The following AFAP1 variants were observed in gnomAD, a reference collection of about 807,000 sequenced individuals.
The protein encoded by AFAP1 is actin filament-associated protein 1.
In AFAP1, 75 loss-of-function variants were observed where a neutral mutation model predicts 93.9. The observed-to-expected ratio is 0.80, with a 90% confidence interval of 0.66 to 0.97. The LOEUF (loss-of-function observed/expected upper bound fraction) is 0.97. AFAP1 is among the 50% of genes least tolerant of loss of function. The pLI is 0.00. For missense variants in AFAP1, 1,201 were observed against 1,050.8 expected, an observed-to-expected ratio of 1.14 and a Z score of -1.98; for synonymous variants, 517 against 430.7, an observed-to-expected ratio of 1.20 and a Z score of -2.48.
intron 1 of AFAP1, among the ~76,000 whole-genome samples, chr4:7,885,927 G>A (rs1317640083): frequency 6.6e-6 from 1 of 152,192 alleles, no homozygotes; most frequent in Middle Eastern, 3.2e-3. Context: ...TGAAGCAAAG[G>A]AGCTGTGTTC....
intron 9 of AFAP1, among the ~76,000 whole-genome samples, chr4:7,801,101 G>C (rs1377988771): frequency 1.3e-5 from 2 of 151,900 alleles, no homozygotes; most frequent in Non-Finnish European, 2.9e-5. Flanking sequence ...GGCAGATTTT[G>C]GCTTAACATG....
chr4:7,819,123 A>T lies in AFAP1; in HGVS notation c.775T>A (p.Cys259Ser), dbSNP rs562417220. 1 of 1,613,776 alleles carries T rather than the reference A, an allele frequency of 6.2e-7. No individual in the cohort carries two copies. The highest frequency in any genetic ancestry group is 1.3e-5 in the African/African-American group (1 of 75,000). The change falls in exon 7 of 18, where the codon TGT (cysteine) becomes AGT (serine). Residue 259 changes from cysteine (C) to serine (S), a missense_variant. Physicochemically the swap from Cys to Ser is moderately radical, Grantham distance 112. Transcript: ENST00000420658. ...SGCSGPVDSECPPPPSSPVHK... is the reference protein window; with the variant it reads ...SGCSGPVDSESPPPPSSPVHK... ...ACCGGGGAGCTTGGTGGAGGAGGACACTCTGAATCCACGGGGCCACTACAA... is the reference window on the plus strand; with the variant it reads ...ACCGGGGAGCTTGGTGGAGGAGGACTCTCTGAATCCACGGGGCCACTACAA...
chr4:7,919,225 C>A (rs563905341), intron 1 of AFAP1, among the ~76,000 whole-genome samples: 1 of 152,204 alleles, frequency 6.6e-6, no homozygotes. Context: ...ACGGCGGCAA[C>A]AACATCAACA....
chr4:7,868,651 G>A lies in AFAP1; in HGVS notation c.196C>T (p.Pro66Ser). 1 of 1,612,876 alleles carries A rather than the reference G, an allele frequency of 6.2e-7. No individual in the cohort carries two copies. The change falls in exon 3 of 18, where the codon CCC (proline) becomes TCC (serine). Residue 66 changes from proline to serine, a missense_variant. Pro to Ser is a moderately conservative substitution (Grantham distance 74). Coordinates refer to ENST00000420658, the MANE Select transcript of AFAP1 (RefSeq NM_001134647.2). ...CAGGGCTGAGGGATCTCCGGCAGGG[G>A]CATCTGAGGAGGGGCTGGCAGGCTG... ...ANSLPAPPQMPLPEIPQPWLP... is the reference protein window; with the variant it reads ...ANSLPAPPQMSLPEIPQPWLP...
intron 9 of AFAP1, among the ~76,000 whole-genome samples, chr4:7,800,880 G>T (rs1233618207): frequency 6.6e-6 from 1 of 152,224 alleles, no homozygotes; most frequent in Non-Finnish European, 1.5e-5. Context: ...GTATCTGGAA[G>T]CCCCTCATTT....
rs764776986 is a variant in AFAP1, at chr4:7,809,591, G to A, written c.1054+23C>T. The A allele has an allele frequency of 1.3e-5, 21 of 1,604,182 alleles. 1 individual carries two copies. The highest frequency in any genetic ancestry group is 5.1e-5 in the Admixed American group (3 of 58,422). On this transcript the variant is annotated intron_variant, in intron 9 of 17. Transcript: ENST00000420658. Reference sequence around the variant, plus strand: ...AAACCCACTTAGGTGCACGCTGCTCGTCTCCGGGAAGCGCAGTCTTACCGC... The same window carrying A: ...AAACCCACTTAGGTGCACGCTGCTCATCTCCGGGAAGCGCAGTCTTACCGC...
chr4:7,832,693 T>C (rs1307066812), intron 6 of AFAP1, among the ~76,000 whole-genome samples: 1 of 141,194 alleles, frequency 7.1e-6, no homozygotes, highest in Non-Finnish European at 1.5e-5. Context: ...AGAGCCCACA[T>C]AGCCAAAGCA....
intron 10 of AFAP1, among the ~76,000 whole-genome samples, chr4:7,795,046 T>C (rs1718263858): frequency 1.3e-5 from 2 of 152,166 alleles, no homozygotes; most frequent in African/African-American, 2.4e-5. Context: ...TTAAAGAAAA[T>C]TGGGTTTTAT....
chr4:7,903,962 T>TTC (rs796651492), intron 1 of AFAP1, among the ~76,000 whole-genome samples: 1 of 151,242 alleles, frequency 6.6e-6, no homozygotes, highest in Non-Finnish European at 1.5e-5. Flanking sequence ...TTTTTTTTTT[T>TTC]CCAGAGAGTT....
chr4:7,793,918 G>C, intron 10 of AFAP1, 92 bp from the exon 11 acceptor site: 1 of 1,327,378 alleles, frequency 7.5e-7, no homozygotes, highest in Non-Finnish European at 9.9e-7. Flanking sequence ...TAATAGGAAA[G>C]GCGATGAAAC....
At chr4:7,849,733 G>A (rs1313221000) in intron 4 of AFAP1, among the ~76,000 whole-genome samples, 1 of 152,184 alleles carries the variant, frequency 6.6e-6, no homozygotes, top group African/African-American at 2.4e-5. Flanking sequence ...TCTGTGGAAG[G>A]CAAGGCATTT....
At chr4:7,918,445 C>T (rs890668357) in intron 1 of AFAP1, among the ~76,000 whole-genome samples, 2 of 148,218 alleles carry the variant, frequency 1.3e-5, no homozygotes, top group Admixed American at 1.3e-4. Flanking sequence ...AGACACTCGG[C>T]CCAGGTCACC....
intron 10 of AFAP1, chr4:7,798,919 C>T: frequency 1.0e-6 from 1 of 987,148 alleles, no homozygotes; most frequent in Non-Finnish European, 1.2e-6. Flanking sequence ...TTCATGCCTC[C>T]TTCTCCTTGC....
At chr4:7,903,448 G>A (rs1719227704) in intron 1 of AFAP1, among the ~76,000 whole-genome samples, 1 of 152,230 alleles carries the variant, frequency 6.6e-6, no homozygotes, top group South Asian at 2.1e-4. Flanking sequence ...GGGAGGCTTA[G>A]GCATGCAGAT....
chr4:7,886,141 T>G (rs1020839861), intron 1 of AFAP1, among the ~76,000 whole-genome samples: 1 of 152,194 alleles, frequency 6.6e-6, no homozygotes, highest in Non-Finnish European at 1.5e-5. Flanking sequence ...CTAAAATTCT[T>G]TTTGATGACC....
At chr4:7,905,843 T>C (rs1719364952) in intron 1 of AFAP1, among the ~76,000 whole-genome samples, 1 of 152,304 alleles carries the variant, frequency 6.6e-6, no homozygotes, top group South Asian at 2.1e-4. Flanking sequence ...AGAACAACGA[T>C]GCTGAGTCAG....
intron 1 of AFAP1, among the ~76,000 whole-genome samples, chr4:7,936,468 G>A (rs1212897517): frequency 6.6e-6 from 1 of 151,744 alleles, no homozygotes; most frequent in Non-Finnish European, 1.5e-5. Context: ...GGCATTACAG[G>A]TGTAAACCAC....
At chr4:7,785,412 G>C (rs1427900953) in intron 12 of AFAP1, among the ~76,000 whole-genome samples, 2 of 152,126 alleles carry the variant, frequency 1.3e-5, no homozygotes, top group Non-Finnish European at 1.5e-5. Flanking sequence ...CCAGGAGCCT[G>C]GCTCCTCCAA....
intron 6 of AFAP1, among the ~76,000 whole-genome samples, chr4:7,832,769 G>C (rs1473929160): frequency 6.6e-6 from 1 of 151,684 alleles, no homozygotes; most frequent in Admixed American, 6.6e-5. Context: ...ACAGTATAAG[G>C]CCATAGTCAT....
Sources: gnomAD v4.1 joint callset for allele counts (sites outside exome capture counted in the v4.1 genomes callset) on GRCh38, gnomAD v4.1.1 for gene constraint, MANE v1.5 for transcripts, NCBI Gene and HGNC (gene_info 2026-07-23, HGNC 2026-07-21) for gene names.